Variants in MYT1L observed in about 807,000 individuals in gnomAD.
The protein encoded by MYT1L is myelin transcription factor 1-like protein.
A neutral mutation model predicts 126.7 loss-of-function variants in MYT1L; 12 were observed. The ratio of observed to expected loss-of-function variants is 0.09; its 90% CI spans 0.06 to 0.15. The LOEUF (loss-of-function observed/expected upper bound fraction) is 0.15, where lower values mean the gene tolerates loss of function less well. MYT1L is among the 10% of genes least tolerant of loss of function. The pLI is 1.00. For missense variants in MYT1L, 979 were observed against 1,585.2 expected (o/e 0.62, Z 6.49); for synonymous variants, 541 against 604.2 (o/e 0.90, Z 1.53).
intron 2 of MYT1L, among the ~76,000 whole-genome samples, chr2:2,243,340 T>C (rs571662729): frequency 2.2e-4 from 34 of 152,360 alleles, no homozygotes; most frequent in African/African-American, 8.2e-4. Context: ...AAATGATTTA[T>C]GTAAAATAAA....
intron 1 of MYT1L, among the ~76,000 whole-genome samples, chr2:2,286,172 G>A (rs570382575): frequency 2.6e-5 from 4 of 152,134 alleles, no homozygotes; most frequent in South Asian, 4.2e-4. Flanking sequence ...TAGTAGAGAC[G>A]GGGTTTCACC....
At position 1,791,358 on chromosome 2, in the gene MYT1L, A is replaced by C. The variant is rs375043760; in HGVS notation, c.*509T>G. 6.2e-5 allele frequency: 27 copies of C among 434,988 alleles called. No homozygotes were observed. Among genetic ancestry groups the C allele is most frequent in the African/African-American group, 5.0e-4 (24 of 48,262 alleles). 26.9% of individuals were successfully genotyped at this position (434,988 alleles called of 1,614,324 possible). ...GAATTCTTGCTATGAAACAATATGC[A>C]CACAAAATGTATTTCTTAAATTCCA... On this transcript the variant is annotated 3_prime_UTR_variant, in exon 25 of 25. Transcript: ENST00000647738. The surrounding 1 kb of genome is among the most constrained non-coding windows in gnomAD (Gnocchi z 6.0).
At chr2:1,966,647 A>G (rs2059382601) in intron 8 of MYT1L, among the ~76,000 whole-genome samples, 1 of 152,250 alleles carries the variant, frequency 6.6e-6, no homozygotes, top group South Asian at 2.1e-4. Context: ...TATGAAAACT[A>G]AATACATTTG....
intron 2 of MYT1L, among the ~76,000 whole-genome samples, chr2:2,214,594 C>T (rs1050235369): frequency 6.6e-6 from 1 of 152,006 alleles, no homozygotes; most frequent in African/African-American, 2.4e-5. Flanking sequence ...AAAGAAATCC[C>T]CTTACCCTAA....
intron 3 of MYT1L, among the ~76,000 whole-genome samples, chr2:2,145,039 G>A (rs1276497968): frequency 6.6e-6 from 1 of 152,224 alleles, no homozygotes; most frequent in Non-Finnish European, 1.5e-5. Context: ...TGAAAAGTAT[G>A]TGTGTTTGTG....
intron 3 of MYT1L, among the ~76,000 whole-genome samples, chr2:2,058,278 T>C (rs1239004719): frequency 6.6e-6 from 1 of 152,264 alleles, no homozygotes; most frequent in African/African-American, 2.4e-5. Context: ...CTACATTGTT[T>C]TAAATCGTTG....
Position 1,936,434 on chromosome 2 carries a change from T to C in MYT1L, c.505+6548A>G, listed in dbSNP as rs191898716. Among the ~76,000 whole-genome samples, 32 of 152,332 alleles carry C rather than the reference T, an allele frequency of 2.1e-4. 2 individuals are homozygous for C. In the East Asian group the frequency reaches 6.2e-3, roughly 29 times the overall value. On this transcript the variant is annotated intron_variant, in intron 9 of 24. Transcript: ENST00000647738. ...TACTCATTCCCAAGATGCAGTGCCA[T>C]GTACTTCAACGTAGCTGCACATGCC...
In MYT1L at chr2:1,790,594, C is replaced by T. The variant is rs550683564; in HGVS notation, c.*1273G>A. On this transcript the variant is annotated 3_prime_UTR_variant, in exon 25 of 25. Transcript: ENST00000647738. ...ATCAAACAATGAGGCTCTGCAAATG[C>T]TCTATGGTCAACTGGTCTCCACCCA... is the stretch of plus-strand genomic sequence containing the variant. The T allele has an allele frequency of 2.6e-5, 4 of 152,372 alleles. No homozygotes were observed. Among genetic ancestry groups the T allele is most frequent in the African/African-American group, 9.6e-5 (4 of 41,568 alleles). The allele number at this position is 152,372 out of a possible 1,614,324, so 9.4% of individuals were successfully genotyped here.
At position 2,213,726 on chromosome 2, in the gene MYT1L, A is replaced by G. The variant is rs188608177; in HGVS notation, c.-420-40738T>C. On this transcript the variant is annotated intron_variant, in intron 2 of 24. Transcript: ENST00000647738. Reference sequence around the variant, plus strand: ...ATATCATACTATTTCCAAGTAACTTAACTGCTTCCAAGAGGAAAGCTCAAA... The same window carrying G: ...ATATCATACTATTTCCAAGTAACTTGACTGCTTCCAAGAGGAAAGCTCAAA... 2.6e-5 allele frequency among the ~76,000 whole-genome samples: 4 copies of G among 152,344 alleles called. No homozygotes were observed. The East Asian group carries it at 5.8e-4, about 22-fold the overall frequency.
chr2:1,820,507 T>G (rs2038371518), intron 21 of MYT1L, among the ~76,000 whole-genome samples: 1 of 152,230 alleles, frequency 6.6e-6, no homozygotes, highest in Non-Finnish European at 1.5e-5. Context: ...GAAGGTATTT[T>G]GTAGAGTGAC....
chr2:2,187,728 GTTTAGTTGGCC>G (rs1335970945), intron 2 of MYT1L, among the ~76,000 whole-genome samples: 1 of 152,084 alleles, frequency 6.6e-6, no homozygotes, highest in African/African-American at 2.4e-5. Context: ...AGCCTGGGCT[GTTTAGTTGGCC>G]AATATATCTT....
At chr2:2,157,541 T>C (rs2086925445) in intron 3 of MYT1L, among the ~76,000 whole-genome samples, 1 of 152,208 alleles carries the variant, frequency 6.6e-6, no homozygotes, top group African/African-American at 2.4e-5. Context: ...GTGCAGTGAC[T>C]TGTAGTATCT....
chr2:2,189,766 G>A (rs1280707595), intron 2 of MYT1L, among the ~76,000 whole-genome samples: 1 of 151,034 alleles, frequency 6.6e-6, no homozygotes, highest in Admixed American at 6.6e-5. Flanking sequence ...GGTGAGAAGC[G>A]CATTCTCAGG....
intron 2 of MYT1L, among the ~76,000 whole-genome samples, chr2:2,181,463 T>A (rs375768346): frequency 1.3e-5 from 2 of 152,150 alleles, no homozygotes; most frequent in African/African-American, 4.8e-5. Context: ...ATTCTAGCAG[T>A]AAGCCCCGCT....
intron 1 of MYT1L, among the ~76,000 whole-genome samples, chr2:2,295,331 C>A (rs2095655095): frequency 6.6e-6 from 1 of 152,146 alleles, no homozygotes; most frequent in African/African-American, 2.4e-5. Context: ...CAGGAGGTCT[C>A]CTGAGAAACA....
intron 3 of MYT1L, among the ~76,000 whole-genome samples, chr2:2,084,974 G>T (rs1163655930): frequency 2.0e-5 from 3 of 152,106 alleles, no homozygotes; most frequent in African/African-American, 7.2e-5. Flanking sequence ...TGCATCCCCT[G>T]GCCAGCCCTC....
chr2:2,109,262 C>T (rs1219436808), intron 3 of MYT1L, among the ~76,000 whole-genome samples: 4 of 152,200 alleles, frequency 2.6e-5, no homozygotes, highest in African/African-American at 9.7e-5. Context: ...AAGAAAAACA[C>T]GGCAGTGTGT....
chr2:2,193,689 G>A (rs1265488841), intron 2 of MYT1L, among the ~76,000 whole-genome samples: 6 of 152,170 alleles, frequency 3.9e-5, no homozygotes, highest in Non-Finnish European at 8.8e-5. Context: ...CTGAGCAGTC[G>A]TCTGCTGCCT....
chr2:1,874,414 T>C (rs2046636524), intron 18 of MYT1L, among the ~76,000 whole-genome samples: 2 of 152,196 alleles, frequency 1.3e-5, no homozygotes. Context: ...ATTGTCAAAC[T>C]CTGCTGACTT....
Sources: allele counts gnomAD v4.1 joint callset (sites outside exome capture counted in the v4.1 genomes callset), GRCh38; gene constraint gnomAD v4.1.1; non-coding constraint Gnocchi (gnomAD v3.1); transcripts MANE v1.5; gene names NCBI Gene and HGNC (gene_info 2026-07-23, HGNC 2026-07-21).